KCNK1: variants seen among roughly 807,000 people sequenced by gnomAD.
The protein encoded by KCNK1 is potassium channel subfamily K member 1.
In KCNK1, 10 loss-of-function variants were observed where a neutral mutation model predicts 22.2. That is an observed-to-expected ratio of 0.45 (90% CI 0.28 to 0.76). KCNK1 has a LOEUF of 0.76. KCNK1 is among the 30% of genes least tolerant of loss of function. The probability of loss-of-function intolerance (pLI) is 0.14; values close to 1 mark genes in which losing one functional copy is unlikely to be tolerated. For synonymous variants in KCNK1, 200 were observed against 186.4 expected (o/e 1.07, Z -0.60); for missense variants, 378 against 421.0 (o/e 0.90, Z 0.89).
chr1:233,632,013 C>T (rs960445052), intron 1 of KCNK1, among the ~76,000 whole-genome samples: 1 of 152,150 alleles, frequency 6.6e-6, no homozygotes, highest in Non-Finnish European at 1.5e-5. Context: ...CAGCAGTTGC[C>T]CAAGATGCCA....
At chr1:233,628,225 A>G (rs924318982) in intron 1 of KCNK1, among the ~76,000 whole-genome samples, 9 of 152,210 alleles carry the variant, frequency 5.9e-5, no homozygotes, top group Non-Finnish European at 1.0e-4. Flanking sequence ...CATCGGTGAT[A>G]TCAGGCTGAA....
chr1:233,628,347 T>C (rs549252451), intron 1 of KCNK1, among the ~76,000 whole-genome samples: 11 of 152,212 alleles, frequency 7.2e-5, no homozygotes, highest in Non-Finnish European at 1.3e-4. Flanking sequence ...CATTGGATAC[T>C]ATGTTCACTA....
At position 233,666,951 on chromosome 1, in the gene KCNK1, A is replaced by G; in HGVS notation, c.712A>G (p.Asn238Asp). ...GGATTATGTGCCTGGGGAAGGCTAC[A>G]ATCAAAAATTCAGAGAGCTCTATAA... is the stretch of plus-strand genomic sequence containing the variant. ...LGDYVPGEGY[N>D]QKFRELYKIG... Residue 238 changes from asparagine to aspartate, a missense_variant, in exon 2 of 3, where the codon AAT (asparagine) becomes GAT (aspartate). Transcript: ENST00000366621. 6.2e-7 allele frequency: 1 copy of G among 1,613,402 alleles called. No individual in the cohort carries two copies. Among genetic ancestry groups the G allele is most frequent in the Non-Finnish European group, 8.5e-7 (1 of 1,179,764 alleles).
chr1:233,644,634 G>T (rs1283700619), intron 1 of KCNK1, among the ~76,000 whole-genome samples: 1 of 151,872 alleles, frequency 6.6e-6, no homozygotes, highest in African/African-American at 2.4e-5. Flanking sequence ...TGAAGAGAAG[G>T]TGCCAGTCAT....
At chr1:233,646,900 G>A (rs1658109977) in intron 1 of KCNK1, among the ~76,000 whole-genome samples, 1 of 152,146 alleles carries the variant, frequency 6.6e-6, no homozygotes, top group Admixed American at 6.5e-5. Context: ...TGAGAAGAGC[G>A]GCTTGGATGG....
intron 1 of KCNK1, chr1:233,661,826 T>G (rs1658397479): frequency 1.3e-5 from 2 of 152,206 alleles, no homozygotes; most frequent in African/African-American, 2.4e-5. Context: ...GAAGTTAACT[T>G]TTTAAAAATA....
At chr1:233,624,586 A>G (rs925116852) in intron 1 of KCNK1, among the ~76,000 whole-genome samples, 2 of 152,122 alleles carry the variant, frequency 1.3e-5, no homozygotes, top group East Asian at 3.8e-4. Context: ...ACATTTCTTC[A>G]TATGTCTGAA....
chr1:233,626,334 A>T (rs939061920), intron 1 of KCNK1, among the ~76,000 whole-genome samples: 1 of 152,154 alleles, frequency 6.6e-6, no homozygotes, highest in African/African-American at 2.4e-5. Flanking sequence ...TGGAAGGAGA[A>T]GGTGTTGGAT....
At chr1:233,627,046 A>G (rs1484379174) in intron 1 of KCNK1, among the ~76,000 whole-genome samples, 1 of 152,078 alleles carries the variant, frequency 6.6e-6, no homozygotes, top group Non-Finnish European at 1.5e-5. Flanking sequence ...ACATTTTAGG[A>G]GTGTGTCAGG....
chr1:233,648,048 ATAT>A (rs1658128890), intron 1 of KCNK1, among the ~76,000 whole-genome samples: 2 of 152,336 alleles, frequency 1.3e-5, no homozygotes, highest in African/African-American at 4.8e-5. Flanking sequence ...CCATCTGAAG[ATAT>A]TATGGAATCA....
chr1:233,654,340 A>G (rs1325394413), intron 1 of KCNK1, among the ~76,000 whole-genome samples: 1 of 152,212 alleles, frequency 6.6e-6, no homozygotes, highest in Admixed American at 6.5e-5. Context: ...CATATATCCC[A>G]GAACTTAAAG....
intron 1 of KCNK1, among the ~76,000 whole-genome samples, chr1:233,660,208 C>T (rs576701340): frequency 1.1e-4 from 16 of 152,198 alleles, no homozygotes; most frequent in African/African-American, 3.1e-4. Flanking sequence ...CTGATATTTA[C>T]GTTAATGTCT....
chr1:233,670,827 C>T lies in KCNK1; in HGVS notation c.752-444C>T, dbSNP rs997626309. On this transcript the variant is annotated intron_variant, in intron 2 of 2. Transcript: ENST00000366621. ...ATAGAAATTGTAAGAGTATTGAGTG[C>T]TTAAAATCTTCCGAGCACCCCATGA... Among the ~76,000 whole-genome samples the T allele has an allele frequency of 3.3e-5, 5 of 152,264 alleles. No individual in the cohort carries two copies. In the East Asian group the frequency reaches 7.7e-4, roughly 24 times the overall value.
intron 1 of KCNK1, chr1:233,629,550 T>A (rs1657754616): frequency 6.6e-6 from 1 of 152,254 alleles, no homozygotes; most frequent in African/African-American, 2.4e-5. Context: ...GAAGCAGATC[T>A]GGCACTTGAG....
chr1:233,665,746 T>C (rs1279826947), intron 1 of KCNK1, among the ~76,000 whole-genome samples: 5 of 152,224 alleles, frequency 3.3e-5, no homozygotes, highest in South Asian at 4.1e-4. Context: ...GCAGTGTCAG[T>C]TGAGATGGCC....
At position 233,614,271 on chromosome 1, in the gene KCNK1, C is replaced by CT; in HGVS notation, c.101dup (p.Val35GlyfsTer15). 6.2e-7 allele frequency: 1 copy of CT among 1,613,532 alleles called. No individual in the cohort carries two copies. Among genetic ancestry groups the CT allele is most frequent in the Non-Finnish European group, 8.5e-7 (1 of 1,179,926 alleles). On this transcript the variant is annotated frameshift_variant, in exon 1 of 3. Transcript: ENST00000366621. LOFTEE classifies it high-confidence loss of function. ...CCTGGTGCTGGGCTACTTGCTCTAC[C>CT]TGGTCTTCGGCGCAGTGGTCTTCTC...
intron 1 of KCNK1, among the ~76,000 whole-genome samples, chr1:233,641,736 A>T (rs879341102): frequency 1.4e-4 from 21 of 152,198 alleles, no homozygotes; most frequent in African/African-American, 5.1e-4. Context: ...CAAGAGAAAA[A>T]CAAGCAAGTT....
At chr1:233,630,949 T>C (rs701223) in intron 1 of KCNK1, 66,647 of 209,986 alleles carry the variant, frequency 0.32, 15,021 homozygotes, top group African/African-American at 0.7. Context: ...CAAGTGCACT[T>C]TCAGAGCAGT....
chr1:233,643,144 G>C (rs1658032645), intron 1 of KCNK1, among the ~76,000 whole-genome samples: 2 of 152,046 alleles, frequency 1.3e-5, no homozygotes, highest in African/African-American at 2.4e-5. Flanking sequence ...GCTGATCTCT[G>C]AGCCACAGCA....
Sources: allele counts gnomAD v4.1 joint callset (sites outside exome capture counted in the v4.1 genomes callset), GRCh38; gene constraint gnomAD v4.1.1; transcripts MANE v1.5; gene names NCBI Gene and HGNC (gene_info 2026-07-23, HGNC 2026-07-21).